The following SENP1 variants were observed in gnomAD, a reference collection of about 807,000 sequenced individuals.
SENP1 encodes the protein sentrin-specific protease 1.
SENP1 carries 21 observed loss-of-function variants against 93.0 expected under a neutral mutation model. The ratio of observed to expected loss-of-function variants is 0.23; its 90% CI spans 0.16 to 0.33. SENP1 has a LOEUF of 0.33. Among genes scored for constraint, SENP1 ranks in the 10% least tolerant of loss-of-function variants. The pLI is 1.00. For synonymous variants in SENP1, 256 were observed against 259.6 expected (o/e 0.99, Z 0.13); for missense variants, 591 against 758.7 (o/e 0.78, Z 2.60).
intron 13 of SENP1, among the ~76,000 whole-genome samples, chr12:48,053,480 GAAAAAA>G (rs56951392): frequency 1.3e-5 from 1 of 79,696 alleles, no homozygotes; most frequent in Non-Finnish European, 2.6e-5. Context: ...CCTGTCTCAG[GAAAAAA>G]AAAAAAAAAA....
At chr12:48,085,254 C>T in intron 5 of SENP1, 2 of 1,552,722 alleles carry the variant, frequency 1.3e-6, no homozygotes, top group Non-Finnish European at 1.8e-6. Flanking sequence ...TGGCATCATC[C>T]TCATCAACCA....
At chr12:48,102,717 C>T (rs1327669674) in intron 1 of SENP1, among the ~76,000 whole-genome samples, 3 of 149,382 alleles carry the variant, frequency 2.0e-5, no homozygotes, top group Non-Finnish European at 3.0e-5. Context: ...ATGAAAGTCA[C>T]ACAAAGGAAG....
rs370021236 is a variant in SENP1 at position 48,078,317 on chromosome 12, T to TTATATATATATATA, written c.553-3538_553-3525dup. Among the ~76,000 whole-genome samples the TTATATATATATATA allele has an allele frequency of 3.6e-3, 252 of 70,716 alleles. 22 individuals carry two copies. Among genetic ancestry groups the TTATATATATATATA allele is most frequent in the Middle Eastern group, 8.5e-3 (1 of 118 alleles). The allele number at this position is 70,716 out of a possible 152,430, so 46.4% of individuals were successfully genotyped here. A position where few individuals can be genotyped will look rare whatever the true frequency, so the allele number is the denominator to read the frequency against. ...GTTTTTTGGTGGAGTCTGTAGGATT[T>TTATATATATATATA]TATATATATATATATATACACACAC... is the stretch of plus-strand genomic sequence containing the variant. On this transcript the variant is annotated intron_variant, in intron 6 of 17. Transcript: ENST00000549518.
In SENP1 at chr12:48,102,748, C is replaced by T. The variant is rs145505659; in HGVS notation, c.-44-1232G>A. ...GGAAGGCAGCTTAAAGTTTTCTTGG[C>T]GTACGAGACCACGCCACTGGCCACT... On this transcript the variant is annotated intron_variant, in intron 1 of 17. Coordinates refer to ENST00000549518, the MANE Select transcript of SENP1 (RefSeq NM_001267594.2). Among the ~76,000 whole-genome samples the T allele has an allele frequency of 2.6e-3, 382 of 146,716 alleles. 1 individual carries two copies. Among genetic ancestry groups the T allele is most frequent in the African/African-American group, 6.6e-3 (260 of 39,544 alleles).
At chr12:48,048,137 G>GT (rs113645512) in intron 14 of SENP1, 57 bp from the exon 15 acceptor site, 101,975 of 1,159,298 alleles carry the variant, frequency 0.088, 5,975 homozygotes, top group African/African-American at 0.22. Flanking sequence ...CGGTTTATCA[G>GT]TTTTTCCCTT....
intron 6 of SENP1, among the ~76,000 whole-genome samples, chr12:48,075,389 C>G (rs925428661): frequency 6.6e-6 from 1 of 152,156 alleles, no homozygotes; most frequent in Non-Finnish European, 1.5e-5. Flanking sequence ...GTAATCACTT[C>G]TGAGTCAAAA....
At chr12:48,049,731 G>C (rs552040489) in intron 13 of SENP1, among the ~76,000 whole-genome samples, 1 of 152,282 alleles carries the variant, frequency 6.6e-6, no homozygotes, top group African/African-American at 2.4e-5. Flanking sequence ...TAAGTGACAG[G>C]AGAAGCCATT....
At chr12:48,059,110 G>A (rs1365548896) in intron 13 of SENP1, among the ~76,000 whole-genome samples, 1 of 151,880 alleles carries the variant, frequency 6.6e-6, no homozygotes, top group Non-Finnish European at 1.5e-5. Flanking sequence ...TTCTACTTGG[G>A]GTATGGATAA....
intron 17 of SENP1, 48 bp from the exon 18 acceptor site, chr12:48,045,432 C>G: frequency 6.8e-7 from 1 of 1,469,786 alleles, no homozygotes; most frequent in Non-Finnish European, 9.5e-7. Context: ...TTTGTCTAGA[C>G]CTGATACGCC....
intron 13 of SENP1, among the ~76,000 whole-genome samples, chr12:48,060,570 C>G (rs527701738): frequency 2.0e-5 from 3 of 152,202 alleles, no homozygotes; most frequent in African/African-American, 7.2e-5. Flanking sequence ...AATTTTTCCT[C>G]TCTCCCTTTT....
At chr12:48,073,785 C>T (rs1943881764) in intron 8 of SENP1, among the ~76,000 whole-genome samples, 1 of 152,142 alleles carries the variant, frequency 6.6e-6, no homozygotes, top group Admixed American at 6.5e-5. Flanking sequence ...TTCTTACTTA[C>T]CACTGTAAAG....
At chr12:48,062,968 T>C (rs1041784714) in intron 13 of SENP1, among the ~76,000 whole-genome samples, 7 of 152,174 alleles carry the variant, frequency 4.6e-5, no homozygotes, top group African/African-American at 1.7e-4. Flanking sequence ...AGCTTGAGTA[T>C]ACCCAGATTA....
At chr12:48,067,179 A>C (rs74662579) in intron 9 of SENP1, among the ~76,000 whole-genome samples, 160 of 152,352 alleles carry the variant, frequency 1.1e-3, no homozygotes, top group African/African-American at 3.7e-3. Flanking sequence ...AATCATATGG[A>C]TACATATTAG....
chr12:48,106,018 C>T lies in SENP1; in HGVS notation c.-45+10G>A. On this transcript the variant is annotated intron_variant, in intron 1 of 17. Coordinates refer to ENST00000549518, the MANE Select transcript of SENP1 (RefSeq NM_001267594.2). ...CCTCACCCCTCCCCCAGCTTCCCGC[C>T]GCCACTCACCGAACCGGAACCGGCT... is the stretch of plus-strand genomic sequence containing the variant. 1.4e-6 allele frequency: 1 copy of T among 701,224 alleles called. No homozygotes were observed. Among genetic ancestry groups the T allele is most frequent in the South Asian group, 1.5e-5 (1 of 67,516 alleles). 43.4% of individuals were successfully genotyped at this position (701,224 alleles called of 1,614,324 possible). A position where few individuals can be genotyped will look rare whatever the true frequency, so the allele number is the denominator to read the frequency against.
At chr12:48,075,633 A>G (rs1944015057) in intron 6 of SENP1, among the ~76,000 whole-genome samples, 1 of 152,224 alleles carries the variant, frequency 6.6e-6, no homozygotes, top group South Asian at 2.1e-4. Flanking sequence ...TGAAAACCAT[A>G]TACTTCCTAA....
intron 4 of SENP1, among the ~76,000 whole-genome samples, chr12:48,091,297 A>T (rs1026455711): frequency 6.6e-6 from 1 of 152,112 alleles, no homozygotes; most frequent in Non-Finnish European, 1.5e-5. Context: ...AAAAATACAA[A>T]AAATTAGCCA....
At chr12:48,079,232 G>A (rs1203263237) in intron 6 of SENP1, among the ~76,000 whole-genome samples, 1 of 152,078 alleles carries the variant, frequency 6.6e-6, no homozygotes, top group African/African-American at 2.4e-5. Flanking sequence ...GGGCACGGTG[G>A]CTCAAGCCTG....
At chr12:48,104,226 A>AAT (rs757263185) in intron 1 of SENP1, among the ~76,000 whole-genome samples, 2,492 of 53,568 alleles carry the variant, frequency 0.047, 176 homozygotes, top group Non-Finnish European at 0.063. Flanking sequence ...AGAAGAAAAA[A>AAT]ATATATATAG....
In SENP1 at chr12:48,046,565, T is replaced by C. The variant is rs547310984; in HGVS notation, c.1777-114A>G. On this transcript the variant is annotated intron_variant, in intron 16 of 17. Coordinates refer to ENST00000549518, the MANE Select transcript of SENP1 (RefSeq NM_001267594.2). ...CAGGTTTCTCTAAATTACAAACAGA[T>C]GACTCTGGCCCCCCAGTCAGGACAA... The C allele has an allele frequency of 2.9e-4, 225 of 763,676 alleles. No homozygotes were observed. The African/African-American group carries it at 3.4e-3, about 11-fold the overall frequency. 47.3% of individuals were successfully genotyped at this position (763,676 alleles called of 1,614,324 possible).
Sources: allele counts gnomAD v4.1 joint callset (sites outside exome capture counted in the v4.1 genomes callset), GRCh38; gene constraint gnomAD v4.1.1; transcripts MANE v1.5; gene names NCBI Gene and HGNC (gene_info 2026-07-23, HGNC 2026-07-21).